CAPN11: variants seen among roughly 807,000 people sequenced by gnomAD.
CAPN11 encodes the protein calpain 11.
Under a neutral mutation model 105.3 loss-of-function variants are expected in CAPN11, and 108 were observed. The ratio of observed to expected loss-of-function variants is 1.03; its 90% CI spans 0.88 to 1.20. The LOEUF (loss-of-function observed/expected upper bound fraction) is 1.20, where lower values mean the gene tolerates loss of function less well. CAPN11 is among the 50% of genes most tolerant of loss of function. The probability of loss-of-function intolerance (pLI) is 0.00; values close to 1 mark genes in which losing one functional copy is unlikely to be tolerated. For synonymous variants in CAPN11, 329 were observed against 344.5 expected (o/e 0.96, Z 0.50); for missense variants, 883 against 924.8 (o/e 0.95, Z 0.59).
intron 15 of CAPN11, 30 bp from the exon 16 acceptor site, chr6:44,180,567 C>T (rs764349337): frequency 6.2e-7 from 1 of 1,613,664 alleles, no homozygotes; most frequent in Admixed American, 1.7e-5. Flanking sequence ...GTTTTCTGAC[C>T]AGGTCCCTTT....
chr6:44,176,517 TG>T, intron 9 of CAPN11, 63 bp from the exon 10 acceptor site: 1 of 1,485,148 alleles, frequency 6.7e-7, no homozygotes. Context: ...GGCAGTCCCC[TG>T]GAGAGGAAGG....
At chr6:44,161,682 C>T in intron 1 of CAPN11, 1 of 424,356 alleles carries the variant, frequency 2.4e-6, no homozygotes, top group South Asian at 1.7e-5. Flanking sequence ...ACAGAGGGCT[C>T]TGGGGAAATG....
At chr6:44,166,942 GAGGGCGGC>G in intron 2 of CAPN11, 113 bp downstream of exon 2, 1 of 574,468 alleles carries the variant, frequency 1.7e-6, no homozygotes, top group Non-Finnish European at 3.2e-6. Flanking sequence ...GTTGTGTGGG[GAGGGCGGC>G]GGGGGGAGGG....
At chr6:44,171,201 G>A (rs150492836) in intron 4 of CAPN11, among the ~76,000 whole-genome samples, 3 of 152,326 alleles carry the variant, frequency 2.0e-5, no homozygotes, top group Non-Finnish European at 2.9e-5. Flanking sequence ...TCAGCCTGGC[G>A]TAGGATGCAC....
intron 3 of CAPN11, 33 bp downstream of exon 3, chr6:44,169,564 A>G (rs1262591610): frequency 1.3e-6 from 2 of 1,514,658 alleles, no homozygotes; most frequent in African/African-American, 2.8e-5. Context: ...GGACTCATGG[A>G]TGGAAGGGAG....
At chr6:44,168,030 T>TG (rs1770266822) in intron 2 of CAPN11, among the ~76,000 whole-genome samples, 1 of 150,846 alleles carries the variant, frequency 6.6e-6, no homozygotes, top group African/African-American at 2.4e-5. Flanking sequence ...TAAAAAAAAA[T>TG]GGAAAAAAAC....
chr6:44,165,925 C>G (rs1004009698), intron 1 of CAPN11, among the ~76,000 whole-genome samples: 1 of 152,078 alleles, frequency 6.6e-6, no homozygotes, highest in Admixed American at 6.5e-5. Context: ...CTTCAGGAGA[C>G]AAGAGGCCAT....
intron 1 of CAPN11, among the ~76,000 whole-genome samples, chr6:44,162,509 G>A (rs184110360): frequency 1.7e-4 from 26 of 152,190 alleles, no homozygotes; most frequent in African/African-American, 5.8e-4. Flanking sequence ...GAGGAAAATG[G>A]AGGGAGAAAA....
chr6:44,183,752 A>T lies in CAPN11; in HGVS notation c.2182A>T (p.Ser728Cys), dbSNP rs778552548. 1.3e-5 allele frequency: 21 copies of T among 1,613,822 alleles called. No individual in the cohort carries two copies. In the South Asian group the frequency reaches 2.2e-4, roughly 17 times the overall value. ...CAAGAATACTGGCCATATTTGCTTG[A>T]GCCTGGAACAGGTACTTGGAGAAGG... ...DPKNTGHICL[S>C]LEQWLQMTMW... Residue 728 changes from serine to cysteine, a missense_variant, in exon 22 of 23, where the codon AGC becomes TGC. Coordinates refer to ENST00000398776, the MANE Select transcript of CAPN11 (RefSeq NM_007058.4).
chr6:44,173,135 G>C lies in CAPN11; in HGVS notation c.662+62G>C, dbSNP rs552423781. On this transcript the variant is annotated intron_variant, in intron 6 of 22. Transcript: ENST00000398776. ...CCTCTGTCTGGACAGCTGGAATCAG[G>C]GGGAGGGGAGGGGGTAGCAGGACAT... The C allele has an allele frequency of 8.6e-5, 138 of 1,604,198 alleles. No individual in the cohort carries two copies. In the African/African-American group the frequency reaches 1.6e-3, roughly 19 times the overall value.
In CAPN11 at chr6:44,176,339, G is replaced by A; in HGVS notation, c.1001+1G>A. 1 of 1,613,412 alleles carries A rather than the reference G, an allele frequency of 6.2e-7. No individual in the cohort carries two copies. The highest frequency in any genetic ancestry group is 8.5e-7 in the Non-Finnish European group (1 of 1,179,426). ...AGTGGAATGGAGCTTGGAGTGACAG[G>A]TAGGTGTCCCCAACCCAGGTGAGGG... On this transcript the variant is annotated splice_donor_variant, in intron 9 of 22. Coordinates refer to ENST00000398776, the MANE Select transcript of CAPN11 (RefSeq NM_007058.4). LOFTEE classifies it high-confidence loss of function.
chr6:44,182,849 C>T, intron 19 of CAPN11, 92 bp from the exon 20 acceptor site: 1 of 892,274 alleles, frequency 1.1e-6, no homozygotes, highest in Non-Finnish European at 1.8e-6. Flanking sequence ...GCTGGGATTA[C>T]AGGCATGAGC....
intron 21 of CAPN11, 41 bp downstream of exon 21, chr6:44,183,276 G>C (rs767574658): frequency 7.4e-7 from 1 of 1,343,616 alleles, no homozygotes; most frequent in Admixed American, 1.7e-5. Context: ...TAGGCCAGGG[G>C]CCGCGGGCCC....
intron 2 of CAPN11, 23 bp downstream of exon 2, chr6:44,166,852 G>T (rs1279394883): frequency 1.3e-6 from 2 of 1,503,854 alleles, no homozygotes; most frequent in East Asian, 4.9e-5. Flanking sequence ...ACCCGTCGTG[G>T]CTCTGTGGCC....
At chr6:44,174,104 A>G (rs559806290) in intron 7 of CAPN11, among the ~76,000 whole-genome samples, 4 of 152,270 alleles carry the variant, frequency 2.6e-5, no homozygotes, top group African/African-American at 9.6e-5. Context: ...TTGCTCGACA[A>G]AATACATGAA....
chr6:44,176,693 T>C (rs2128307958), intron 10 of CAPN11, 38 bp downstream of exon 10: 1 of 1,564,208 alleles, frequency 6.4e-7, no homozygotes, highest in South Asian at 1.2e-5. Context: ...ACCACCACCC[T>C]AGGCCCTGGT....
intron 2 of CAPN11, 137 bp from the exon 3 acceptor site, chr6:44,169,144 G>A: frequency 1.0e-6 from 1 of 986,496 alleles, no homozygotes; most frequent in Non-Finnish European, 1.5e-6. Flanking sequence ...ATGTTGCCCA[G>A]GCTGGTCTCA....
At chr6:44,173,522 T>A in intron 7 of CAPN11, 136 bp downstream of exon 7, 1 of 598,708 alleles carries the variant, frequency 1.7e-6, no homozygotes, top group Non-Finnish European at 2.9e-6. Flanking sequence ...TAGCCTTCCC[T>A]ACCTCCCCGT....
chr6:44,163,200 C>G (rs910406410), intron 1 of CAPN11, among the ~76,000 whole-genome samples: 3 of 152,320 alleles, frequency 2.0e-5, no homozygotes, highest in Admixed American at 1.3e-4. Flanking sequence ...TCAGGGAGGT[C>G]AAACAACTTG....
Sources: gnomAD v4.1 joint callset for allele counts (sites outside exome capture counted in the v4.1 genomes callset) on GRCh38, gnomAD v4.1.1 for gene constraint, MANE v1.5 for transcripts, NCBI Gene and HGNC (gene_info 2026-07-23, HGNC 2026-07-21) for gene names.